Variants in TLN2 observed in about 807,000 individuals in gnomAD.
TLN2 encodes the protein talin 2.
In TLN2, 118 loss-of-function variants were observed where a neutral mutation model predicts 294.7. The ratio of observed to expected loss-of-function variants is 0.40; its 90% CI spans 0.34 to 0.47. The LOEUF (loss-of-function observed/expected upper bound fraction) is 0.47, where lower values mean the gene tolerates loss of function less well. Among genes scored for constraint, TLN2 ranks in the 20% least tolerant of loss-of-function variants. The probability of loss-of-function intolerance (pLI) is 0.84; values close to 1 mark genes in which losing one functional copy is unlikely to be tolerated. For missense variants in TLN2, 3,083 were observed against 3,282.2 expected (o/e 0.94, Z 1.48); for synonymous variants, 1,431 against 1,304.5 (o/e 1.10, Z -2.09).
At chr15:62,667,034 C>G (rs991944180) in intron 9 of TLN2, among the ~76,000 whole-genome samples, 1 of 152,116 alleles carries the variant, frequency 6.6e-6, no homozygotes, top group Non-Finnish European at 1.5e-5. Context: ...GGCATGATCT[C>G]GGCTCACTGC....
At chr15:62,657,733 C>T (rs776970078) in intron 8 of TLN2, 38 bp from the exon 9 acceptor site, 11 of 1,602,108 alleles carry the variant, frequency 6.9e-6, no homozygotes, top group South Asian at 4.5e-5. Flanking sequence ...TGTCACTCCC[C>T]GAAGCCTCTG....
chr15:62,696,166 TG>T lies in TLN2; in HGVS notation c.1293-1519del, dbSNP rs1262199861. On this transcript the variant is annotated intron_variant, in intron 14 of 58. Coordinates refer to ENST00000636159, the MANE Select transcript of TLN2 (RefSeq NM_015059.3). Reference sequence around the variant, plus strand: ...TGTTTCTCCATGGATGCCTGTTGCTTGGGATCCCCGCGTGGCTATCGAGCCT... The same window carrying T: ...TGTTTCTCCATGGATGCCTGTTGCTTGGATCCCCGCGTGGCTATCGAGCCT... Among the ~76,000 whole-genome samples, 3 of 152,324 alleles carry T rather than the reference TG, an allele frequency of 2.0e-5. No homozygotes were observed. The East Asian group carries it at 5.8e-4, about 29-fold the overall frequency.
At position 62,574,538 on chromosome 15, in the gene TLN2, C is replaced by T. The variant is rs147605476; in HGVS notation, c.-237-15149C>T. 1.9e-3 allele frequency among the ~76,000 whole-genome samples: 238 copies of T among 123,262 alleles called. 1 individual carries two copies. Among genetic ancestry groups the T allele is most frequent in the African/African-American group, 7.2e-3 (228 of 31,640 alleles). The allele number at this position is 123,262 out of a possible 152,430, so 80.9% of individuals were successfully genotyped here. ...TGTGGTTACAGTGAGCTATATCGCA[C>T]CACTGAACTCCAGCCTGGGCAACAG... On this transcript the variant is annotated intron_variant, in intron 1 of 58. Coordinates refer to ENST00000636159, the MANE Select transcript of TLN2 (RefSeq NM_015059.3).
chr15:62,728,387 T>C (rs1461598994), intron 28 of TLN2, among the ~76,000 whole-genome samples: 1 of 152,204 alleles, frequency 6.6e-6, no homozygotes, highest in African/African-American at 2.4e-5. Flanking sequence ...GCATTTGGGT[T>C]GTTGCCAAAA....
intron 32 of TLN2, among the ~76,000 whole-genome samples, chr15:62,741,937 C>G (rs1365073550): frequency 1.3e-5 from 2 of 150,814 alleles, no homozygotes; most frequent in East Asian, 4.0e-4. Context: ...CTACATCATC[C>G]TTAAAGCTCT....
At chr15:62,527,882 T>C (rs191393006) in intron 1 of TLN2, among the ~76,000 whole-genome samples, 1 of 152,316 alleles carries the variant, frequency 6.6e-6, no homozygotes, top group Non-Finnish European at 1.5e-5. Context: ...CACTAACCAT[T>C]ATGATAGATT....
At chr15:62,595,412 CAAAAAAA>C (rs35989710) in intron 2 of TLN2, among the ~76,000 whole-genome samples, 3 of 82,186 alleles carry the variant, frequency 3.7e-5, no homozygotes, top group Non-Finnish European at 4.9e-5. Flanking sequence ...GACTCCGTCT[CAAAAAAA>C]AAAAAAAAAA....
intron 1 of TLN2, among the ~76,000 whole-genome samples, chr15:62,523,180 C>T (rs1030288157): frequency 2.0e-5 from 3 of 152,134 alleles, no homozygotes; most frequent in Non-Finnish European, 4.4e-5. Flanking sequence ...TTACAGAGCC[C>T]CGAAGCCAGC....
At chr15:62,502,706 GC>G (rs2039373271) in intron 1 of TLN2, among the ~76,000 whole-genome samples, 1 of 152,230 alleles carries the variant, frequency 6.6e-6, no homozygotes, top group African/African-American at 2.4e-5. Context: ...ATCTGGTTCT[GC>G]ATCTGGATTT....
chr15:62,828,211 G>A (rs1364189704), intron 54 of TLN2: 1 of 152,362 alleles, frequency 6.6e-6, no homozygotes, highest in Non-Finnish European at 1.5e-5. Flanking sequence ...GCAGGGAAGA[G>A]GTCAACTACA....
intron 1 of TLN2, among the ~76,000 whole-genome samples, chr15:62,534,226 A>G (rs947101459): frequency 3.3e-5 from 5 of 151,958 alleles, no homozygotes; most frequent in South Asian, 2.1e-4. Context: ...CTCTAATTCA[A>G]TTCTATTTTG....
intron 1 of TLN2, among the ~76,000 whole-genome samples, chr15:62,558,646 C>T (rs2042740313): frequency 6.6e-6 from 1 of 152,146 alleles, no homozygotes; most frequent in African/African-American, 2.4e-5. Flanking sequence ...AGAGAGGTGG[C>T]TTTGAATTCT....
In TLN2 at chr15:62,843,653, TAGTC is replaced by T. The variant is rs1191729145; in HGVS notation, c.*3047_*3050del. 6.6e-6 allele frequency: 1 copy of T among 152,292 alleles called. No homozygotes were observed. Among genetic ancestry groups the T allele is most frequent in the Admixed American group, 6.5e-5 (1 of 15,290 alleles). The allele number at this position is 152,292 out of a possible 1,614,324, so 9.4% of individuals were successfully genotyped here. ...TCACCTGCTTGCTTTCTGGCTGTCTTAGTCAGTGTGTTTACAGGCAACTAAAGCC... is the reference window on the plus strand; with the variant it reads ...TCACCTGCTTGCTTTCTGGCTGTCTTAGTGTGTTTACAGGCAACTAAAGCC... On this transcript the variant is annotated 3_prime_UTR_variant, in exon 59 of 59. Transcript: ENST00000636159.
chr15:62,835,963 G>A lies in TLN2; in HGVS notation c.7264G>A (p.Glu2422Lys), dbSNP rs763546449. The A allele has an allele frequency of 2.3e-5, 37 of 1,614,044 alleles. No homozygotes were observed. The highest frequency in any genetic ancestry group is 3.3e-5 in the South Asian group (3 of 91,086). The change falls in exon 57 of 59, where the codon GAG becomes AAG. Residue 2422 changes from glutamate (E) to lysine (K), a missense_variant. Coordinates refer to ENST00000636159, the MANE Select transcript of TLN2 (RefSeq NM_015059.3). Reference sequence around the variant, plus strand: ...TGCCTCCGTTCAGGGACACGCCAGCGAGGAGAAGCTCATCTCATCTGCCAA... The same window carrying A: ...TGCCTCCGTTCAGGGACACGCCAGCAAGGAGAAGCTCATCTCATCTGCCAA... ...ANASVQGHAS[E>K]EKLISSAKQV...
At chr15:62,613,605 C>T (rs187442155) in intron 2 of TLN2, among the ~76,000 whole-genome samples, 9 of 152,248 alleles carry the variant, frequency 5.9e-5, no homozygotes, top group African/African-American at 2.2e-4. Context: ...AAGCTACATC[C>T]TTGCAAAGAC....
At chr15:62,670,410 T>G (rs939229522) in intron 9 of TLN2, among the ~76,000 whole-genome samples, 1 of 152,202 alleles carries the variant, frequency 6.6e-6, no homozygotes, top group African/African-American at 2.4e-5. Flanking sequence ...AAACTCAGCT[T>G]CCTCTTTTGT....
chr15:62,791,916 C>T (rs1233702215), intron 45 of TLN2, among the ~76,000 whole-genome samples: 3 of 152,200 alleles, frequency 2.0e-5, no homozygotes, highest in East Asian at 1.9e-4. Context: ...TAATCCACAG[C>T]GGAGCCCACT....
At chr15:62,467,788 A>G (rs2037227446) in intron 1 of TLN2, among the ~76,000 whole-genome samples, 1 of 152,214 alleles carries the variant, frequency 6.6e-6, no homozygotes, top group South Asian at 2.1e-4. Context: ...AAGGAAGGAA[A>G]CCTCAGACTT....
In TLN2 at chr15:62,839,177, C is replaced by G. The variant is rs2070265904; in HGVS notation, c.7500+196C>G. Among the ~76,000 whole-genome samples, 3 of 152,178 alleles carry G rather than the reference C, an allele frequency of 2.0e-5. No individual in the cohort carries two copies. In the South Asian group the frequency reaches 6.2e-4, roughly 32 times the overall value. Reference sequence around the variant, plus strand: ...ACCATCCCTGAGATGTTACCCTTGGCCACGTGGTCCACGTTGGTTCAGTAG... The same window carrying G: ...ACCATCCCTGAGATGTTACCCTTGGGCACGTGGTCCACGTTGGTTCAGTAG... On this transcript the variant is annotated intron_variant, in intron 58 of 58. Coordinates refer to ENST00000636159, the MANE Select transcript of TLN2 (RefSeq NM_015059.3).
Sources: allele counts gnomAD v4.1 joint callset (sites outside exome capture counted in the v4.1 genomes callset), GRCh38; gene constraint gnomAD v4.1.1; transcripts MANE v1.5; gene names NCBI Gene and HGNC (gene_info 2026-07-23, HGNC 2026-07-21).